The following HK2 variants were observed in gnomAD, a reference collection of about 807,000 sequenced individuals.
HK2 encodes hexokinase 2.
HK2 carries 42 observed loss-of-function variants against 92.9 expected under a neutral mutation model. The observed-to-expected ratio is 0.45, with a 90% CI of 0.35 to 0.58. The LOEUF (loss-of-function observed/expected upper bound fraction) is 0.58, where lower values mean the gene tolerates loss of function less well. HK2 is among the 20% of genes least tolerant of loss of function. HK2 has a pLI of 0.00. For synonymous variants in HK2, 422 were observed against 468.0 expected (o/e 0.90, Z 1.27); for missense variants, 978 against 1,245.1 (o/e 0.79, Z 3.23).
In HK2 at chr2:74,861,029, G is replaced by A. The variant is rs143932739; in HGVS notation, c.226+6574G>A. 3.3e-5 allele frequency among the ~76,000 whole-genome samples: 5 copies of A among 152,258 alleles called. No homozygotes were observed. In the East Asian group the frequency reaches 5.8e-4, roughly 18 times the overall value. Reference sequence around the variant, plus strand: ...GCCCTAATCTGTGCCACAACCCTGCGTGTGACTGTGGTACCAGCCCTAACG... The same window carrying A: ...GCCCTAATCTGTGCCACAACCCTGCATGTGACTGTGGTACCAGCCCTAACG... On this transcript the variant is annotated intron_variant, in intron 2 of 17. Transcript: ENST00000290573.
intron 15 of HK2, 78 bp downstream of exon 15, chr2:74,886,751 A>G (rs1322005473): frequency 1.4e-5 from 20 of 1,436,300 alleles, no homozygotes; most frequent in Admixed American, 1.3e-4. Flanking sequence ...CCACAATGGC[A>G]TCTCCCAGGA....
At chr2:74,848,945 T>TG (rs984234546) in intron 1 of HK2, among the ~76,000 whole-genome samples, 1 of 152,238 alleles carries the variant, frequency 6.6e-6, no homozygotes, top group Non-Finnish European at 1.5e-5. Context: ...CCGATGGGCC[T>TG]GGTTTCTCTG....
In HK2 at chr2:74,834,341, G is replaced by C. The variant is rs1029293152; in HGVS notation, c.-240G>C. On this transcript the variant is annotated 5_prime_UTR_variant, in exon 1 of 18. Transcript: ENST00000290573. This position sits in a 1 kb window ranked among gnomAD's most constrained non-coding sequence, Gnocchi z 4.2. Reference sequence around the variant, plus strand: ...TTGACGTGGGACAACCGGACACGTCGCCAGGAGAGAACTGAGGCGCCTTCT... The same window carrying C: ...TTGACGTGGGACAACCGGACACGTCCCCAGGAGAGAACTGAGGCGCCTTCT... 5.1e-6 allele frequency: 3 copies of C among 584,722 alleles called. No individual in the cohort carries two copies. Among genetic ancestry groups the C allele is most frequent in the Non-Finnish European group, 9.2e-6 (3 of 324,558 alleles). 36.2% of individuals were successfully genotyped at this position (584,722 alleles called of 1,614,324 possible). A position where few individuals can be genotyped will look rare whatever the true frequency, so the allele number is the denominator to read the frequency against.
At chr2:74,889,593 T>C (rs554713181) in intron 17 of HK2, 115 bp downstream of exon 17, 12 of 777,478 alleles carry the variant, frequency 1.5e-5, no homozygotes, top group South Asian at 1.2e-4. Context: ...TTCCAAATAG[T>C]GTATATAATA....
rs1688095991 is a variant in HK2, at chr2:74,834,414, C to T, written c.-167C>T. 1.4e-6 allele frequency: 1 copy of T among 701,220 alleles called. No homozygotes were observed. 43.4% of individuals were successfully genotyped at this position (701,220 alleles called of 1,614,324 possible). A position where few individuals can be genotyped will look rare whatever the true frequency, so the allele number is the denominator to read the frequency against. ...CGTCTCCGGAGACCCGCGCCCTCCG[C>T]CAGCCGGGCGCACCCTCGCCGGTAG... On this transcript the variant is annotated 5_prime_UTR_variant, in exon 1 of 18. Coordinates refer to ENST00000290573, the MANE Select transcript of HK2 (RefSeq NM_000189.5). This position sits in a 1 kb window ranked among gnomAD's most constrained non-coding sequence, Gnocchi z 4.2.
At chr2:74,889,141 A>G in intron 16 of HK2, 104 bp from the exon 17 acceptor site, 1 of 908,510 alleles carries the variant, frequency 1.1e-6, no homozygotes, top group East Asian at 2.6e-5. Flanking sequence ...CTGGAGAGCT[A>G]GACCCCCACA....
chr2:74,859,144 G>A (rs945814199), intron 2 of HK2, among the ~76,000 whole-genome samples: 3 of 152,138 alleles, frequency 2.0e-5, no homozygotes, highest in Non-Finnish European at 4.4e-5. Flanking sequence ...ATTTTACTTG[G>A]TTTGCTTTAT....
chr2:74,882,325 G>A, intron 12 of HK2, 86 bp downstream of exon 12: 1 of 1,600,898 alleles, frequency 6.2e-7, no homozygotes, highest in African/African-American at 1.3e-5. Flanking sequence ...GGAGAAAGTT[G>A]AGCTAAGACT....
chr2:74,869,096 T>C (rs1198297734), intron 3 of HK2, among the ~76,000 whole-genome samples: 1 of 150,578 alleles, frequency 6.6e-6, no homozygotes, highest in Non-Finnish European at 1.5e-5. Flanking sequence ...ATGCAATATA[T>C]AAGAAAAACA....
chr2:74,838,105 G>A (rs529912299), intron 1 of HK2, among the ~76,000 whole-genome samples: 34 of 152,248 alleles, frequency 2.2e-4, no homozygotes, highest in African/African-American at 8.2e-4. Flanking sequence ...CAACATTAGT[G>A]TGTTTGAACC....
intron 9 of HK2, among the ~76,000 whole-genome samples, chr2:74,879,922 CA>C (rs1367760408): frequency 1.3e-5 from 2 of 152,196 alleles, no homozygotes; most frequent in Non-Finnish European, 2.9e-5. Context: ...GCTGCTCCAG[CA>C]AAGAGGCTGA....
chr2:74,845,467 C>A (rs778249638), intron 1 of HK2, among the ~76,000 whole-genome samples: 20 of 152,246 alleles, frequency 1.3e-4, no homozygotes, highest in Admixed American at 6.5e-4. Flanking sequence ...ATGCCCATCT[C>A]CTGGACCCTG....
At position 74,837,246 on chromosome 2, in the gene HK2, A is replaced by G. The variant is rs578167061; in HGVS notation, c.63+2603A>G. Among the ~76,000 whole-genome samples, 33 of 152,312 alleles carry G rather than the reference A, an allele frequency of 2.2e-4. No homozygotes were observed. The South Asian group carries it at 3.1e-3, about 14-fold the overall frequency. On this transcript the variant is annotated intron_variant, in intron 1 of 17. Coordinates refer to ENST00000290573, the MANE Select transcript of HK2 (RefSeq NM_000189.5). ...TACGAGCTGGGAATCGAAGCCATGC[A>G]TTTGGCTTTAGAGCACCATGCTCTT...
At chr2:74,859,472 G>A (rs1246978611) in intron 2 of HK2, among the ~76,000 whole-genome samples, 1 of 152,150 alleles carries the variant, frequency 6.6e-6, no homozygotes, top group Non-Finnish European at 1.5e-5. Context: ...AGATCACAAG[G>A]TCAGGAGATC....
chr2:74,860,141 A>G (rs977810783), intron 2 of HK2, among the ~76,000 whole-genome samples: 2 of 138,570 alleles, frequency 1.4e-5, no homozygotes, highest in African/African-American at 2.6e-5. Flanking sequence ...AGAAAGTGGA[A>G]TGATAGACCA....
chr2:74,834,573 G>C lies in HK2; in HGVS notation c.-8G>C. ...TTTCCCAACTCTGCGCCGTCGGGCC[G>C]CGGCAGGATGATTGCCTCGCATCTG... On this transcript the variant is annotated 5_prime_UTR_variant, in exon 1 of 18. Coordinates refer to ENST00000290573, the MANE Select transcript of HK2 (RefSeq NM_000189.5). The surrounding 1 kb of genome is among the most constrained non-coding windows in gnomAD (Gnocchi z 4.2). The C allele has an allele frequency of 6.2e-7, 1 of 1,613,816 alleles. No homozygotes were observed. Among genetic ancestry groups the C allele is most frequent in the Non-Finnish European group, 8.5e-7 (1 of 1,179,786 alleles).
At chr2:74,881,681 A>T (rs202130937) in intron 10 of HK2, 30 bp from the exon 11 acceptor site, 76 of 1,613,228 alleles carry the variant, frequency 4.7e-5, no homozygotes, top group Non-Finnish European at 9.3e-6. Flanking sequence ...TTCTGCCCCA[A>T]CTTATCACTT....
intron 16 of HK2, among the ~76,000 whole-genome samples, chr2:74,888,459 G>C (rs1007305732): frequency 6.6e-6 from 1 of 152,228 alleles, no homozygotes; most frequent in Non-Finnish European, 1.5e-5. Context: ...ATTGAGTAAA[G>C]GTTGGAACGT....
In HK2 at chr2:74,877,300, A is replaced by G; in HGVS notation, c.1010A>G (p.Lys337Arg). 6.2e-7 allele frequency: 1 copy of G among 1,614,162 alleles called. No individual in the cohort carries two copies. Among genetic ancestry groups the G allele is most frequent in the Non-Finnish European group, 8.5e-7 (1 of 1,180,036 alleles). ...ELLNTGRFET[K>R]DISDIEGEKD... ...CTCAACACCGGTCGCTTTGAGACCA[A>G]AGACATCTCAGACATTGAAGGGTGA... Residue 337 changes from lysine to arginine, a missense_variant, in exon 8 of 18, where the codon AAA (lysine) becomes AGA (arginine). Lys to Arg is a conservative substitution (Grantham distance 26). Transcript: ENST00000290573.
Sources: allele counts gnomAD v4.1 joint callset (sites outside exome capture counted in the v4.1 genomes callset), GRCh38; gene constraint gnomAD v4.1.1; non-coding constraint Gnocchi (gnomAD v3.1); transcripts MANE v1.5; gene names NCBI Gene and HGNC (gene_info 2026-07-23, HGNC 2026-07-21).